PCNT: variants seen among roughly 807,000 people sequenced by gnomAD.
PCNT encodes kendrin.
Under a neutral mutation model 380.4 loss-of-function variants are expected in PCNT, and 319 were observed. The ratio of observed to expected loss-of-function variants is 0.84; its 90% CI spans 0.77 to 0.92. PCNT has a LOEUF of 0.92. Ranked by LOEUF, PCNT falls within the 40% of genes least tolerant of loss-of-function variation. The pLI is 0.00. For missense variants in PCNT, 4,400 were observed against 4,255.3 expected (o/e 1.03, Z -0.95); for synonymous variants, 1,845 against 1,735.2 (o/e 1.06, Z -1.57).
chr21:46,372,232 A>G (rs375979888), intron 15 of PCNT, among the ~76,000 whole-genome samples: 3 of 151,720 alleles, frequency 2.0e-5, no homozygotes, highest in East Asian at 3.9e-4. Context: ...ATGTGCACAC[A>G]CAGCACATGC....
intron 25 of PCNT, among the ~76,000 whole-genome samples, chr21:46,400,579 C>CGCAATCTTGGCTTGAGTGCAGTGGT (rs376572119): frequency 7.3e-6 from 1 of 137,500 alleles, no homozygotes; most frequent in South Asian, 2.3e-4. Flanking sequence ...AGTGCAGTGG[C>CGCAATCTTGGCTTGAGTGCAGTGGT]GCAATCTCGG....
intron 38 of PCNT, among the ~76,000 whole-genome samples, chr21:46,435,564 A>G (rs1216121445): frequency 7.2e-6 from 1 of 138,080 alleles, no homozygotes; most frequent in East Asian, 2.0e-4. Context: ...TTTGTTTGAG[A>G]TGGAGTCTCA....
chr21:46,395,040 G>T (rs546872970), intron 21 of PCNT, among the ~76,000 whole-genome samples: 1 of 152,366 alleles, frequency 6.6e-6, no homozygotes, highest in Admixed American at 6.5e-5. Context: ...GGCCCAGGGA[G>T]TGCAGTCAGG....
chr21:46,428,738 C>A, intron 35 of PCNT, 148 bp downstream of exon 35: 1 of 785,742 alleles, frequency 1.3e-6, no homozygotes, highest in Non-Finnish European at 2.1e-6. Flanking sequence ...GCTGATAGGA[C>A]TGAGCAGAAA....
chr21:46,440,558 A>T (rs1208393830), intron 42 of PCNT, among the ~76,000 whole-genome samples: 1 of 152,190 alleles, frequency 6.6e-6, no homozygotes, highest in Non-Finnish European at 1.5e-5. Context: ...CGTCCATCTC[A>T]TGCCCAGTTT....
At position 46,324,224 on chromosome 21, in the gene PCNT, G is replaced by A; in HGVS notation, c.-5G>A. ...GCCGGGCGGCCCGCGCGGAGTCTGA[G>A]GGAGATGGAAGTTGAGCAAGAGCAG... On this transcript the variant is annotated 5_prime_UTR_variant, in exon 1 of 47. Coordinates refer to ENST00000359568, the MANE Select transcript of PCNT (RefSeq NM_006031.6). The A allele has an allele frequency of 6.2e-7, 1 of 1,610,936 alleles. No homozygotes were observed. The highest frequency in any genetic ancestry group is 8.5e-7 in the Non-Finnish European group (1 of 1,178,604).
At chr21:46,436,187 C>G (rs1301381074) in intron 39 of PCNT, 39 bp downstream of exon 39, 3 of 1,599,482 alleles carry the variant, frequency 1.9e-6, no homozygotes, top group Middle Eastern at 2.0e-4. Context: ...TGGTCCCTTG[C>G]AGCCACCCCT....
intron 43 of PCNT, 24 bp downstream of exon 43, chr21:46,441,108 G>A: frequency 6.9e-7 from 1 of 1,446,230 alleles, no homozygotes; most frequent in Non-Finnish European, 9.7e-7. Flanking sequence ...CGTTCAGTCA[G>A]TGCGTTCCGC....
At chr21:46,443,672 G>T in intron 44 of PCNT, 138 bp from the exon 45 acceptor site, 1 of 838,932 alleles carries the variant, frequency 1.2e-6, no homozygotes, top group South Asian at 1.4e-5. Context: ...ATTGTACCTT[G>T]AGCACTTTAA....
rs2086637049 is a variant in PCNT, at chr21:46,406,902, C to A, written c.5116-4287C>A. Among the ~76,000 whole-genome samples the A allele has an allele frequency of 2.0e-5, 3 of 152,290 alleles. No individual in the cohort carries two copies. In the South Asian group the frequency reaches 6.2e-4, roughly 32 times the overall value. On this transcript the variant is annotated intron_variant, in intron 27 of 46. Coordinates refer to ENST00000359568, the MANE Select transcript of PCNT (RefSeq NM_006031.6). The stretch of plus-strand genomic sequence containing the variant: ...CTAACCTTGCGGTTCTAGGATAAAC[C>A]ATACCTGGTAGTGATGTACTGCCCT...
chr21:46,329,083 G>A (rs2083477146), intron 2 of PCNT, among the ~76,000 whole-genome samples: 2 of 152,188 alleles, frequency 1.3e-5, no homozygotes, highest in Non-Finnish European at 1.5e-5. Flanking sequence ...CTGCATAGAC[G>A]TTTTAAAAGT....
chr21:46,353,415 C>G lies in PCNT; in HGVS notation c.1679+89C>G. 4.7e-6 allele frequency: 5 copies of G among 1,066,092 alleles called. No homozygotes were observed. In the South Asian group the frequency reaches 5.0e-5, roughly 11 times the overall value. The allele number at this position is 1,066,092 out of a possible 1,614,324, so 66.0% of individuals were successfully genotyped here. On this transcript the variant is annotated intron_variant, in intron 10 of 46. Coordinates refer to ENST00000359568, the MANE Select transcript of PCNT (RefSeq NM_006031.6). ...GGGTAGTTTTGTTGGTGATTTCATG[C>G]TAGTAGGCACCAATGGCCTTTTATA... is the stretch of plus-strand genomic sequence containing the variant.
chr21:46,398,288 G>A lies in PCNT; in HGVS notation c.4584+33G>A, dbSNP rs142376105. On this transcript the variant is annotated intron_variant, in intron 24 of 46. Coordinates refer to ENST00000359568, the MANE Select transcript of PCNT (RefSeq NM_006031.6). Reference sequence around the variant, plus strand: ...GGCGTCAACGAGATGGGCACTCCCTGCGCTGGCGCCCAGGCTCCCCTGCGC... The same window carrying A: ...GGCGTCAACGAGATGGGCACTCCCTACGCTGGCGCCCAGGCTCCCCTGCGC... 219 of 1,585,482 alleles carry A rather than the reference G, an allele frequency of 1.4e-4. No homozygotes were observed. In the East Asian group the frequency reaches 3.4e-3, roughly 24 times the overall value.
Position 46,397,361 on chromosome 21 carries a change from T to G in PCNT, c.4313T>G (p.Ile1438Ser). 1 of 1,613,994 alleles carries G rather than the reference T, an allele frequency of 6.2e-7. No individual in the cohort carries two copies. Among genetic ancestry groups the G allele is most frequent in the Non-Finnish European group, 8.5e-7 (1 of 1,180,000 alleles). The part of the protein sequence containing the change: ...DRSALLSQMK[I>S]LESELEEQLS... ...TCAGCCCTGCTCTCCCAGATGAAGATTTTGGAGTCTGAGTTAGAAGAACAG... is the reference window on the plus strand; with the variant it reads ...TCAGCCCTGCTCTCCCAGATGAAGAGTTTGGAGTCTGAGTTAGAAGAACAG... Residue 1438 changes from isoleucine to serine, a missense_variant, in exon 22 of 47, where the codon ATT becomes AGT. By Grantham distance (142) the Ile-to-Ser change is moderately radical. Transcript: ENST00000359568.
Position 46,344,027 on chromosome 21 carries a change from C to A in PCNT, c.640-2101C>A, listed in dbSNP as rs561061189. 2.1e-4 allele frequency among the ~76,000 whole-genome samples: 32 copies of A among 151,684 alleles called. 1 individual carries two copies. Among genetic ancestry groups the A allele is most frequent in the Admixed American group, 2.0e-3 (30 of 15,226 alleles). Reference sequence around the variant, plus strand: ...TCTCTCTTCCTTTCCTGGTTAATCTCACTAATGATCTATCAGTTTTGTTTA... The same window carrying A: ...TCTCTCTTCCTTTCCTGGTTAATCTAACTAATGATCTATCAGTTTTGTTTA... On this transcript the variant is annotated intron_variant, in intron 3 of 46. Coordinates refer to ENST00000359568, the MANE Select transcript of PCNT (RefSeq NM_006031.6).
Position 46,425,990 on chromosome 21 carries a change from A to ACACT in PCNT, c.7320+20_7320+23dup. 1 of 1,611,770 alleles carries ACACT rather than the reference A, an allele frequency of 6.2e-7. No homozygotes were observed. The highest frequency in any genetic ancestry group is 1.7e-4 in the Middle Eastern group (1 of 6,046). ...GACGCAGGTTTATTTTGCCCTTCAC[A>ACACT]CACTTCTTTTCCAAAGGATTTAAGG... On this transcript the variant is annotated intron_variant, in intron 33 of 46. Coordinates refer to ENST00000359568, the MANE Select transcript of PCNT (RefSeq NM_006031.6). The surrounding 1 kb of genome is among the most constrained non-coding windows in gnomAD (Gnocchi z 4.2).
At chr21:46,398,386 T>G in intron 24 of PCNT, 131 bp downstream of exon 24, 1 of 900,970 alleles carries the variant, frequency 1.1e-6, no homozygotes, top group Non-Finnish European at 1.8e-6. Context: ...CTTTCTCTTG[T>G]CTGAGGAAGC....
chr21:46,341,990 C>G (rs1033156558), intron 3 of PCNT, among the ~76,000 whole-genome samples: 1 of 149,380 alleles, frequency 6.7e-6, no homozygotes, highest in Non-Finnish European at 1.5e-5. Flanking sequence ...TGCCCAGCCT[C>G]GAGTGTGGTG....
intron 37 of PCNT, chr21:46,431,201 G>T: frequency 8.1e-7 from 1 of 1,236,188 alleles, no homozygotes; most frequent in Non-Finnish European, 1.0e-6. Flanking sequence ...TCTGAAGAGG[G>T]GGCAGGAGCC....
Sources: allele counts gnomAD v4.1 joint callset (sites outside exome capture counted in the v4.1 genomes callset), GRCh38; gene constraint gnomAD v4.1.1; non-coding constraint Gnocchi (gnomAD v3.1); transcripts MANE v1.5; gene names NCBI Gene and HGNC (gene_info 2026-07-23, HGNC 2026-07-21).